PCDHGB1: variants seen among roughly 807,000 people sequenced by gnomAD.
PCDHGB1 encodes protocadherin gamma subfamily B, 1.
A neutral mutation model predicts 56.6 loss-of-function variants in PCDHGB1; 34 were observed. The ratio of observed to expected loss-of-function variants is 0.60; its 90% CI spans 0.46 to 0.80. The LOEUF is 0.80. PCDHGB1 is among the 30% of genes least tolerant of loss of function. The pLI, the probability that PCDHGB1 is intolerant of heterozygous loss-of-function variation, is 0.00. For synonymous variants in PCDHGB1, 561 were observed against 505.9 expected (o/e 1.11, Z -1.46); for missense variants, 1,278 against 1,204.6 (o/e 1.06, Z -0.90).
chr5:141,398,286 C>T (rs1338652897), intron 1 of PCDHGB1: 1 of 1,395,846 alleles, frequency 7.2e-7, no homozygotes, highest in South Asian at 1.3e-5. Context: ...TCGCCACGGA[C>T]CTGGGGTTCA....
intron 3 of PCDHGB1, 43 bp downstream of exon 3, chr5:141,505,524 G>A: frequency 6.2e-7 from 1 of 1,612,712 alleles, no homozygotes; most frequent in Non-Finnish European, 8.5e-7. Context: ...GGAGACCTGG[G>A]GTTCTGGGGT....
chr5:141,458,918 A>C (rs1173274380), intron 1 of PCDHGB1, among the ~76,000 whole-genome samples: 1 of 152,022 alleles, frequency 6.6e-6, no homozygotes, highest in Non-Finnish European at 1.5e-5. Context: ...TTTTTTGTGG[A>C]GACGGGGTCT....
At chr5:141,459,763 G>A (rs1243169814) in intron 1 of PCDHGB1, among the ~76,000 whole-genome samples, 1 of 152,206 alleles carries the variant, frequency 6.6e-6, no homozygotes, top group South Asian at 2.1e-4. Context: ...GTGGGTGTGT[G>A]ATACTATCTC....
At chr5:141,404,806 G>A (rs774487660) in intron 1 of PCDHGB1, 29 of 1,613,874 alleles carry the variant, frequency 1.8e-5, no homozygotes, top group South Asian at 1.3e-4. Context: ...GGCTCTTCTC[G>A]GTGGGGCTGC....
chr5:141,393,520 A>G, intron 1 of PCDHGB1: 2 of 1,614,038 alleles, frequency 1.2e-6, no homozygotes, highest in Non-Finnish European at 1.7e-6. Context: ...TTGGATACAA[A>G]TGACAATGCC....
chr5:141,363,552 C>T (rs1762968351), intron 1 of PCDHGB1, among the ~76,000 whole-genome samples: 1 of 152,190 alleles, frequency 6.6e-6, no homozygotes, highest in Admixed American at 6.5e-5. Context: ...AATATTTGAA[C>T]ATGGTAATAG....
At chr5:141,370,529 G>C in intron 1 of PCDHGB1, 2 of 1,613,942 alleles carry the variant, frequency 1.2e-6, no homozygotes, top group Non-Finnish European at 1.7e-6. Context: ...ACAGGGGCTC[G>C]CTGGTAGGGA....
chr5:141,459,253 ATTAGTGTTGCCTCT>A (rs1439680561), intron 1 of PCDHGB1, among the ~76,000 whole-genome samples: 1 of 152,174 alleles, frequency 6.6e-6, no homozygotes, highest in African/African-American at 2.4e-5. Context: ...GTCACTATAA[ATTAGTGTTGCCTCT>A]TTCAGAATTT....
At chr5:141,403,574 C>A (rs1441332710) in intron 1 of PCDHGB1, 1 of 1,613,960 alleles carries the variant, frequency 6.2e-7, no homozygotes, top group Admixed American at 1.7e-5. Flanking sequence ...GGCAACTGCC[C>A]ACCACCTGGT....
intron 1 of PCDHGB1, chr5:141,385,172 C>A (rs1013319688): frequency 1.2e-6 from 2 of 1,614,210 alleles, no homozygotes; most frequent in Non-Finnish European, 8.5e-7. Context: ...CATGAGGTCT[C>A]CCTCACCGCG....
At chr5:141,433,204 C>A in intron 1 of PCDHGB1, 1 of 1,566,946 alleles carries the variant, frequency 6.4e-7, no homozygotes, top group Non-Finnish European at 8.6e-7. Flanking sequence ...ATCAAATCTT[C>A]TTTCTTTTTT....
chr5:141,355,386 CGG>C (rs1561508690), intron 1 of PCDHGB1: 1 of 1,614,032 alleles, frequency 6.2e-7, no homozygotes, highest in East Asian at 2.2e-5. Flanking sequence ...TGGCGGAGCG[CGG>C]AGTCCGCATC....
At chr5:141,382,900 A>G (rs564801333) in intron 1 of PCDHGB1, 1 of 1,542,254 alleles carries the variant, frequency 6.5e-7, no homozygotes, top group South Asian at 1.3e-5. Context: ...CAGGACGACT[A>G]TGGCGGCTCA....
In PCDHGB1 at chr5:141,370,450, T is replaced by A. The variant is rs1472088781; in HGVS notation, c.2409+17781T>A. On this transcript the variant is annotated intron_variant, in intron 1 of 3. Transcript: ENST00000523390. The stretch of plus-strand genomic sequence containing the variant: ...GCAGGGCAGAGGCGAATGCTATTTC[T>A]CTTCCTGCTCTCTTTGTTAGACCAG... 2.5e-6 allele frequency: 4 copies of A among 1,609,450 alleles called. No homozygotes were observed. The African/African-American group carries it at 5.4e-5, about 22-fold the overall frequency.
chr5:141,408,096 C>T, intron 1 of PCDHGB1: 5 of 1,434,864 alleles, frequency 3.5e-6, no homozygotes, highest in Non-Finnish European at 4.6e-6. Flanking sequence ...ATTGCCAGCT[C>T]CGAGACCCGG....
At chr5:141,459,829 G>A in intron 1 of PCDHGB1, among the ~76,000 whole-genome samples, 1 of 152,178 alleles carries the variant, frequency 6.6e-6, no homozygotes, top group East Asian at 1.9e-4. Flanking sequence ...AACTTTTCAT[G>A]TGTTGTCTAT....
At chr5:141,361,859 T>C in intron 1 of PCDHGB1, 4 of 1,612,236 alleles carry the variant, frequency 2.5e-6, no homozygotes, top group Non-Finnish European at 3.4e-6. Flanking sequence ...TCCGCCCTCT[T>C]CGATATGGTG....
intron 1 of PCDHGB1, chr5:141,366,250 G>A (rs1476743784): frequency 6.2e-7 from 1 of 1,613,746 alleles, no homozygotes; most frequent in Non-Finnish European, 8.5e-7. Flanking sequence ...CGCTCAAGCA[G>A]AGCCTCGTGG....
chr5:141,483,245 A>G (rs2099578786), intron 1 of PCDHGB1, among the ~76,000 whole-genome samples: 1 of 151,456 alleles, frequency 6.6e-6, no homozygotes, highest in Non-Finnish European at 1.5e-5. Flanking sequence ...TGATATGCAT[A>G]TATCATGAGG....
Sources: allele counts gnomAD v4.1 joint callset (sites outside exome capture counted in the v4.1 genomes callset), GRCh38; gene constraint gnomAD v4.1.1; transcripts MANE v1.5; gene names NCBI Gene and HGNC (gene_info 2026-07-23, HGNC 2026-07-21).